The following HS3ST4 variants were observed in gnomAD, a reference collection of about 807,000 sequenced individuals.
HS3ST4 encodes heparan sulfate glucosamine 3-O-sulfotransferase 4.
In HS3ST4, 17 loss-of-function variants were observed where a neutral mutation model predicts 29.2. The ratio of observed to expected loss-of-function variants is 0.58; its 90% CI spans 0.40 to 0.87. HS3ST4 has a LOEUF of 0.87. HS3ST4 is among the 40% of genes least tolerant of loss of function. The pLI, the probability that HS3ST4 is intolerant of heterozygous loss-of-function variation, is 0.00. For missense variants in HS3ST4, 627 were observed against 634.5 expected, an observed-to-expected ratio of 0.99 and a Z score of 0.13; for synonymous variants, 314 against 285.7, an observed-to-expected ratio of 1.10 and a Z score of -1.00.
At chr16:25,781,225 C>T (rs1013619668) in intron 1 of HS3ST4, among the ~76,000 whole-genome samples, 9 of 152,120 alleles carry the variant, frequency 5.9e-5, no homozygotes, top group African/African-American at 1.7e-4. Flanking sequence ...CTGGAACTGC[C>T]GTGAGCTGGT....
intron 1 of HS3ST4, among the ~76,000 whole-genome samples, chr16:25,849,073 G>T (rs577621847): frequency 6.6e-6 from 1 of 152,088 alleles, no homozygotes; most frequent in Non-Finnish European, 1.5e-5. Flanking sequence ...TTTTGTGGTG[G>T]TGTTACTTAT....
At chr16:25,968,552 C>T (rs115404974) in intron 1 of HS3ST4, among the ~76,000 whole-genome samples, 1,688 of 152,212 alleles carry the variant, frequency 0.011, 29 homozygotes, top group African/African-American at 0.037. Flanking sequence ...ATTCAGCCTC[C>T]TTCATGTATC....
intron 1 of HS3ST4, among the ~76,000 whole-genome samples, chr16:25,895,485 C>T (rs765153653): frequency 2.7e-4 from 41 of 151,654 alleles, no homozygotes; most frequent in Non-Finnish European, 5.2e-4. Context: ...TTGTCAGGGG[C>T]TCGATAAGCA....
intron 1 of HS3ST4, among the ~76,000 whole-genome samples, chr16:26,010,209 T>C (rs1012077988): frequency 6.6e-6 from 1 of 152,110 alleles, no homozygotes; most frequent in African/African-American, 2.4e-5. Flanking sequence ...ATCCCAGCAC[T>C]ATGGGAGGCC....
intron 1 of HS3ST4, among the ~76,000 whole-genome samples, chr16:25,749,597 A>G (rs114908817): frequency 0.032 from 4,943 of 152,202 alleles, 272 homozygotes; most frequent in African/African-American, 0.11. Flanking sequence ...AAGCTGGAAC[A>G]AGGCTGCCTG....
intron 1 of HS3ST4, among the ~76,000 whole-genome samples, chr16:25,815,436 G>C (rs562740550): frequency 6.6e-6 from 1 of 152,136 alleles, no homozygotes; most frequent in Admixed American, 6.5e-5. Flanking sequence ...CGATTCTTCT[G>C]CCTCAGCCTC....
intron 1 of HS3ST4, among the ~76,000 whole-genome samples, chr16:25,798,283 A>C (rs995404298): frequency 1.4e-4 from 21 of 152,208 alleles, no homozygotes; most frequent in African/African-American, 4.8e-4. Context: ...GTTTAGGCTA[A>C]GATATGCTGC....
chr16:25,963,647 C>G (rs1041803038), intron 1 of HS3ST4, among the ~76,000 whole-genome samples: 1 of 152,248 alleles, frequency 6.6e-6, no homozygotes, highest in Non-Finnish European at 1.5e-5. Flanking sequence ...CTCTCATCAT[C>G]AAATAATTTA....
At chr16:25,889,501 CAT>C (rs1407806709) in intron 1 of HS3ST4, among the ~76,000 whole-genome samples, 1 of 152,138 alleles carries the variant, frequency 6.6e-6, no homozygotes, top group Non-Finnish European at 1.5e-5. Flanking sequence ...TGGTTGAAAT[CAT>C]GTGAATGAAC....
chr16:25,815,672 TC>T (rs1181761853), intron 1 of HS3ST4, among the ~76,000 whole-genome samples: 1 of 152,206 alleles, frequency 6.6e-6, no homozygotes, highest in Non-Finnish European at 1.5e-5. Context: ...GTATGAACCC[TC>T]CTAGGGCCTT....
chr16:25,711,604 C>T (rs1411643835), intron 1 of HS3ST4, among the ~76,000 whole-genome samples: 1 of 152,112 alleles, frequency 6.6e-6, no homozygotes, highest in Non-Finnish European at 1.5e-5. Context: ...TTAGCCACCC[C>T]TCCCAAAATT....
intron 1 of HS3ST4, among the ~76,000 whole-genome samples, chr16:25,722,971 G>A: frequency 6.6e-6 from 1 of 152,220 alleles, no homozygotes; most frequent in South Asian, 2.1e-4. Context: ...AATCATGGTG[G>A]AAGGGGAAAG....
At chr16:25,849,988 G>C (rs1967501672) in intron 1 of HS3ST4, among the ~76,000 whole-genome samples, 2 of 145,048 alleles carry the variant, frequency 1.4e-5, no homozygotes, top group South Asian at 4.4e-4. Flanking sequence ...TGAAAATATA[G>C]ATGCCTAGAT....
chr16:25,976,160 T>C (rs1188521994), intron 1 of HS3ST4, among the ~76,000 whole-genome samples: 2 of 152,230 alleles, frequency 1.3e-5, no homozygotes, highest in Non-Finnish European at 2.9e-5. Context: ...CAGTATTAAT[T>C]AGGTTAAAAA....
chr16:25,994,563 A>AT (rs1185505603), intron 1 of HS3ST4, among the ~76,000 whole-genome samples: 4 of 152,102 alleles, frequency 2.6e-5, no homozygotes, highest in South Asian at 4.1e-4. Flanking sequence ...CCACTTATTT[A>AT]TTTTTTAAGA....
intron 1 of HS3ST4, among the ~76,000 whole-genome samples, chr16:25,891,455 A>G (rs924624907): frequency 6.6e-6 from 1 of 152,190 alleles, no homozygotes; most frequent in Admixed American, 6.6e-5. Context: ...CCTTGGAGAG[A>G]TCTTTACTTA....
At chr16:26,080,379 C>T (rs1455289692) in intron 1 of HS3ST4, among the ~76,000 whole-genome samples, 1 of 152,118 alleles carries the variant, frequency 6.6e-6, no homozygotes, top group Non-Finnish European at 1.5e-5. Context: ...TGGTGAAAGC[C>T]TGAGGACGGA....
At chr16:26,096,723 A>G (rs1285160104) in intron 1 of HS3ST4, among the ~76,000 whole-genome samples, 2 of 152,204 alleles carry the variant, frequency 1.3e-5, no homozygotes, top group African/African-American at 2.4e-5. Flanking sequence ...CCTATTCAAC[A>G]TAGTGTTGGA....
At chr16:26,082,810 C>T (rs749936535) in intron 1 of HS3ST4, among the ~76,000 whole-genome samples, 1 of 152,188 alleles carries the variant, frequency 6.6e-6, no homozygotes, top group Non-Finnish European at 1.5e-5. Context: ...ATGGAGCAAC[C>T]TTACCTCCAT....
Sources: allele counts gnomAD v4.1 joint callset (sites outside exome capture counted in the v4.1 genomes callset), GRCh38; gene constraint gnomAD v4.1.1; transcripts MANE v1.5; gene names NCBI Gene and HGNC (gene_info 2026-07-23, HGNC 2026-07-21).